The following PARG variants were observed in gnomAD, a reference collection of about 807,000 sequenced individuals.
PARG encodes poly(ADP-ribose) glycohydrolase.
In PARG, 35 loss-of-function variants were observed where a neutral mutation model predicts 113.0. That is an observed-to-expected ratio of 0.31 (90% CI 0.24 to 0.41). The LOEUF is 0.41. Among genes scored for constraint, PARG ranks in the 10% least tolerant of loss-of-function variants. The pLI, the probability that PARG is intolerant of heterozygous loss-of-function variation, is 1.00. For synonymous variants in PARG, 330 were observed against 409.9 expected (o/e 0.81, Z 2.36); for missense variants, 797 against 1,169.4 (o/e 0.68, Z 4.64).
At chr10:49,926,195 CA>C (rs1838156012) in intron 4 of PARG, among the ~76,000 whole-genome samples, 1 of 151,890 alleles carries the variant, frequency 6.6e-6, no homozygotes, top group African/African-American at 2.4e-5. Context: ...GGGCATCTAA[CA>C]AAGGCAAAAT....
intron 7 of PARG, among the ~76,000 whole-genome samples, chr10:49,895,185 C>T (rs1848016209): frequency 6.6e-6 from 1 of 152,112 alleles, no homozygotes; most frequent in African/African-American, 2.4e-5. Flanking sequence ...TTTGGGGGGA[C>T]ATTATTCAAC....
At chr10:49,909,199 G>A (rs1284312138) in intron 7 of PARG, among the ~76,000 whole-genome samples, 1 of 151,854 alleles carries the variant, frequency 6.6e-6, no homozygotes, top group Non-Finnish European at 1.5e-5. Flanking sequence ...TACAACTATT[G>A]TGTTTTACGT....
At chr10:49,850,967 TA>T (rs1845734316) in intron 13 of PARG, among the ~76,000 whole-genome samples, 1 of 152,096 alleles carries the variant, frequency 6.6e-6, no homozygotes, top group Non-Finnish European at 1.5e-5. Flanking sequence ...GATGAAAATA[TA>T]AAGGTAAACT....
chr10:49,908,525 A>T (rs530685147), intron 7 of PARG: 1 of 152,266 alleles, frequency 6.6e-6, no homozygotes, highest in South Asian at 2.1e-4. Context: ...CTGAACTCCA[A>T]ATCAGAGGTT....
chr10:49,821,652 T>TG (rs1844088098), intron 16 of PARG, among the ~76,000 whole-genome samples: 3 of 152,206 alleles, frequency 2.0e-5, no homozygotes, highest in Non-Finnish European at 4.4e-5. Context: ...AGTGTGGGGA[T>TG]TACAGGCATG....
intron 12 of PARG, among the ~76,000 whole-genome samples, chr10:49,858,864 A>G (rs1442278412): frequency 6.6e-6 from 1 of 152,126 alleles, no homozygotes; most frequent in Non-Finnish European, 1.5e-5. Context: ...AAACTGTCCA[A>G]TTCAACAAAT....
chr10:49,915,003 C>A (rs1312878936), intron 7 of PARG, among the ~76,000 whole-genome samples: 3 of 151,824 alleles, frequency 2.0e-5, no homozygotes, highest in African/African-American at 7.3e-5. Flanking sequence ...CAAAAATTAA[C>A]ACAAAATGGG....
At chr10:49,924,543 C>T (rs1350547015) in intron 4 of PARG, among the ~76,000 whole-genome samples, 1 of 146,238 alleles carries the variant, frequency 6.8e-6, no homozygotes, top group Non-Finnish European at 1.5e-5. Flanking sequence ...CTAAGCCCCG[C>T]AACCAACTGA....
intron 7 of PARG, among the ~76,000 whole-genome samples, chr10:49,914,658 C>T (rs1157250378): frequency 6.6e-6 from 1 of 152,118 alleles, no homozygotes; most frequent in Non-Finnish European, 1.5e-5. Flanking sequence ...TTGAAAAAGA[C>T]CAAAGCTACA....
In PARG at chr10:49,877,306, C is replaced by T. The variant is rs562462828; in HGVS notation, c.1988+2367G>A. 8.1e-3 allele frequency among the ~76,000 whole-genome samples: 1,212 copies of T among 150,286 alleles called. 12 individuals carry two copies. The highest frequency in any genetic ancestry group is 0.027 in the African/African-American group (1,132 of 41,218). ...TAAAACATTCTCCAATTTTAAAAGG[C>T]TAAAAAATATGGTCTTCGGGGCTGA... is the stretch of plus-strand genomic sequence containing the variant. On this transcript the variant is annotated intron_variant, in intron 9 of 17. Transcript: ENST00000616448.
At chr10:49,892,959 A>T (rs1283959413) in intron 7 of PARG, among the ~76,000 whole-genome samples, 1 of 152,150 alleles carries the variant, frequency 6.6e-6, no homozygotes, top group African/African-American at 2.4e-5. Flanking sequence ...ATACATCCAC[A>T]ATTTGTTTAT....
intron 14 of PARG, 29 bp from the exon 15 acceptor site, chr10:49,842,087 A>G (rs889929531): frequency 1.4e-6 from 2 of 1,432,502 alleles, no homozygotes; most frequent in African/African-American, 2.8e-5. Context: ...GGGAGAAAAG[A>G]TAAGGAACAG....
At position 49,901,088 on chromosome 10, in the gene PARG, C is replaced by T. The variant is rs551816791; in HGVS notation, c.1737+14829G>A. On this transcript the variant is annotated intron_variant, in intron 7 of 17. Coordinates refer to ENST00000616448, the MANE Select transcript of PARG (RefSeq NM_003631.5). ...CAGGTTTTTTCAACTCTAAGAAGTA[C>T]CCTGAAAAATACTTATTTCTCAGTA... Among the ~76,000 whole-genome samples, 336 of 150,448 alleles carry T rather than the reference C, an allele frequency of 2.2e-3. 1 individual carries two copies. The highest frequency in any genetic ancestry group is 6.8e-3 in the Middle Eastern group (2 of 292).
At chr10:49,927,739 G>T (rs1379554386) in intron 4 of PARG, among the ~76,000 whole-genome samples, 1 of 151,966 alleles carries the variant, frequency 6.6e-6, no homozygotes, top group Non-Finnish European at 1.5e-5. Context: ...GGAGGTTGAG[G>T]CTGGAGGATC....
intron 10 of PARG, among the ~76,000 whole-genome samples, chr10:49,869,260 A>G (rs1554837444): frequency 6.6e-6 from 1 of 152,194 alleles, no homozygotes; most frequent in Non-Finnish European, 1.5e-5. Context: ...GTCCGATTTC[A>G]GAGTATGTAA....
intron 8 of PARG, among the ~76,000 whole-genome samples, chr10:49,881,706 A>G (rs1847224713): frequency 6.6e-6 from 1 of 152,238 alleles, no homozygotes; most frequent in East Asian, 1.9e-4. Flanking sequence ...CTGCTAGAAT[A>G]AGAGTTTGCC....
chr10:49,824,007 C>T (rs1554829090), intron 16 of PARG, among the ~76,000 whole-genome samples: 1 of 152,190 alleles, frequency 6.6e-6, no homozygotes, highest in Non-Finnish European at 1.5e-5. Context: ...GTTCTATCTT[C>T]AGCCTTCTGC....
At chr10:49,923,020 T>C (rs528177546) in intron 4 of PARG, among the ~76,000 whole-genome samples, 1 of 152,378 alleles carries the variant, frequency 6.6e-6, no homozygotes, top group Admixed American at 6.5e-5. Flanking sequence ...ACGCCTATAC[T>C]CTGATTCTAA....
Position 49,832,912 on chromosome 10 carries a change from C to T in PARG, c.2542-4G>A, listed in dbSNP as rs1218089227. 2.7e-6 allele frequency: 4 copies of T among 1,506,882 alleles called. No individual in the cohort carries two copies. Among genetic ancestry groups the T allele is most frequent in the Non-Finnish European group, 3.6e-6 (4 of 1,107,596 alleles). The allele number at this position is 1,506,882 out of a possible 1,614,324, so 93.3% of individuals were successfully genotyped here. A position where few individuals can be genotyped will look rare whatever the true frequency, so the allele number is the denominator to read the frequency against. ...GACGGAGAAATCCACAGTAAGCCTGCAGGATAAAAGAATTATCAAAGCCTG... is the reference window on the plus strand; with the variant it reads ...GACGGAGAAATCCACAGTAAGCCTGTAGGATAAAAGAATTATCAAAGCCTG... On this transcript the variant is annotated splice_region_variant and splice_polypyrimidine_tract_variant and intron_variant, in intron 15 of 17. Transcript: ENST00000616448.
Sources: allele counts gnomAD v4.1 joint callset (sites outside exome capture counted in the v4.1 genomes callset), GRCh38; gene constraint gnomAD v4.1.1; transcripts MANE v1.5; gene names NCBI Gene and HGNC (gene_info 2026-07-23, HGNC 2026-07-21).